The following ILRUN variants were observed in gnomAD, a reference collection of about 807,000 sequenced individuals.
ILRUN encodes the protein protein ILRUN.
A neutral mutation model predicts 33.8 loss-of-function variants in ILRUN; 3 were observed. That is an observed-to-expected ratio of 0.09 (90% confidence interval 0.04 to 0.23). The LOEUF (loss-of-function observed/expected upper bound fraction) is 0.23, where lower values mean the gene tolerates loss of function less well. Among genes scored for constraint, ILRUN ranks in the 10% least tolerant of loss-of-function variants. ILRUN has a pLI of 1.00. For missense variants in ILRUN, 210 were observed against 375.1 expected (o/e 0.56, Z 3.64); for synonymous variants, 124 against 138.9 (o/e 0.89, Z 0.75).
chr6:34,628,330 T>C (rs1582058990), intron 3 of ILRUN, among the ~76,000 whole-genome samples: 1 of 133,456 alleles, frequency 7.5e-6, no homozygotes, highest in East Asian at 2.0e-4. Context: ...CTTTTTACAC[T>C]TTTTTTTTTT....
chr6:34,688,737 C>T (rs1178234750), intron 1 of ILRUN, among the ~76,000 whole-genome samples: 1 of 152,092 alleles, frequency 6.6e-6, no homozygotes, highest in African/African-American at 2.4e-5. Context: ...CGCTTGAATC[C>T]AGGAGGCAGA....
At chr6:34,611,293 C>T (rs973824320) in intron 3 of ILRUN, among the ~76,000 whole-genome samples, 23 of 152,106 alleles carry the variant, frequency 1.5e-4, no homozygotes, top group Non-Finnish European at 2.4e-4. Context: ...ACTTAAGCCA[C>T]CTCCCCATCT....
intron 3 of ILRUN, among the ~76,000 whole-genome samples, chr6:34,618,877 A>G (rs1761952892): frequency 6.6e-6 from 1 of 152,204 alleles, no homozygotes; most frequent in Non-Finnish European, 1.5e-5. Context: ...AAAGATAGAG[A>G]AGGAACAGCC....
intron 1 of ILRUN, among the ~76,000 whole-genome samples, chr6:34,656,158 C>T (rs1002274128): frequency 6.6e-6 from 1 of 151,000 alleles, no homozygotes; most frequent in African/African-American, 2.4e-5. Flanking sequence ...ATCGCTTGAA[C>T]CCGAGAGGTG....
At chr6:34,608,026 G>A (rs932025300) in intron 3 of ILRUN, among the ~76,000 whole-genome samples, 2 of 151,928 alleles carry the variant, frequency 1.3e-5, no homozygotes, top group African/African-American at 4.8e-5. Flanking sequence ...CCAGGAGGTA[G>A]AGGCTGCAGT....
At chr6:34,654,912 G>C in intron 1 of ILRUN, 133 bp from the exon 2 acceptor site, 1 of 704,982 alleles carries the variant, frequency 1.4e-6, no homozygotes, top group Non-Finnish European at 2.2e-6. Context: ...CGTCTTTAAA[G>C]CCTTCTATTC....
At chr6:34,665,601 T>G (rs1459875387) in intron 1 of ILRUN, among the ~76,000 whole-genome samples, 1 of 152,042 alleles carries the variant, frequency 6.6e-6, no homozygotes, top group East Asian at 1.9e-4. Flanking sequence ...TTTTGATTTT[T>G]TAATTATAAT....
intron 3 of ILRUN, among the ~76,000 whole-genome samples, chr6:34,607,928 A>T (rs369094586): frequency 6.6e-6 from 1 of 152,242 alleles, no homozygotes; most frequent in East Asian, 1.9e-4. Flanking sequence ...CTCTGTCTCT[A>T]CCAAAAACTT....
chr6:34,683,123 T>A (rs185452633), intron 1 of ILRUN, among the ~76,000 whole-genome samples: 1,937 of 149,050 alleles, frequency 0.013, 27 homozygotes, highest in South Asian at 0.022. Context: ...CTCAAAAAAA[T>A]ATATATATAC....
intron 3 of ILRUN, among the ~76,000 whole-genome samples, chr6:34,611,062 T>TC (rs1761738177): frequency 7.6e-6 from 1 of 131,076 alleles, no homozygotes; most frequent in South Asian, 2.8e-4. Context: ...CCTCCCCCTC[T>TC]CCTTCCCTCT....
At chr6:34,625,402 C>T (rs915501927) in intron 3 of ILRUN, among the ~76,000 whole-genome samples, 5 of 152,166 alleles carry the variant, frequency 3.3e-5, no homozygotes, top group Admixed American at 6.5e-5. Context: ...TTAGAACTCC[C>T]TCATGGCCAT....
chr6:34,637,241 G>A (rs147470913), intron 3 of ILRUN, among the ~76,000 whole-genome samples: 1 of 152,206 alleles, frequency 6.6e-6, no homozygotes, highest in East Asian at 1.9e-4. Context: ...CCTTACTAAT[G>A]CATATATACA....
chr6:34,655,361 AGATAT>A (rs753033446), intron 1 of ILRUN, among the ~76,000 whole-genome samples: 4 of 152,216 alleles, frequency 2.6e-5, no homozygotes, highest in Non-Finnish European at 5.9e-5. Flanking sequence ...ATACACACAC[AGATAT>A]AACTGTTCAT....
At chr6:34,652,948 C>G (rs1762697926) in intron 2 of ILRUN, among the ~76,000 whole-genome samples, 1 of 151,618 alleles carries the variant, frequency 6.6e-6, no homozygotes, top group Admixed American at 6.6e-5. Context: ...GTGAGCCCAG[C>G]CCGAGCAACA....
At chr6:34,669,291 T>C (rs1232274211) in intron 1 of ILRUN, among the ~76,000 whole-genome samples, 2 of 135,094 alleles carry the variant, frequency 1.5e-5, no homozygotes, top group Non-Finnish European at 3.1e-5. Context: ...ACCCAGCTAT[T>C]TTTTTTTTTT....
At chr6:34,624,178 T>C (rs971642891) in intron 3 of ILRUN, among the ~76,000 whole-genome samples, 1 of 152,096 alleles carries the variant, frequency 6.6e-6, no homozygotes, top group Non-Finnish European at 1.5e-5. Flanking sequence ...AATTGGGACA[T>C]ACTTGGTACA....
intron 1 of ILRUN, among the ~76,000 whole-genome samples, chr6:34,693,394 G>A (rs989396504): frequency 4.0e-5 from 6 of 151,788 alleles, no homozygotes; most frequent in South Asian, 4.2e-4. Flanking sequence ...TTATTCTGTC[G>A]CCCAGGCTGG....
chr6:34,621,034 T>C (rs1230841892), intron 3 of ILRUN, among the ~76,000 whole-genome samples: 1 of 152,214 alleles, frequency 6.6e-6, no homozygotes, highest in African/African-American at 2.4e-5. Context: ...ATGTGGTTTC[T>C]GTGTTAAAAA....
chr6:34,689,988 G>A (rs1352946438), intron 1 of ILRUN, among the ~76,000 whole-genome samples: 1 of 151,958 alleles, frequency 6.6e-6, no homozygotes, highest in East Asian at 1.9e-4. Context: ...AGGAGGTAGA[G>A]AAACATTGTC....
Sources: gnomAD v4.1 joint callset for allele counts (sites outside exome capture counted in the v4.1 genomes callset) on GRCh38, gnomAD v4.1.1 for gene constraint, MANE v1.5 for transcripts, NCBI Gene and HGNC (gene_info 2026-07-23, HGNC 2026-07-21) for gene names.